The following XPC variants were observed in gnomAD, a reference collection of about 807,000 sequenced individuals.
XPC encodes DNA repair protein complementing XP-C cells.
In XPC, 76 loss-of-function variants were observed where a neutral mutation model predicts 95.8. That is an observed-to-expected ratio of 0.79 (90% CI 0.66 to 0.96). The LOEUF is 0.96. Among genes scored for constraint, XPC ranks in the 40% least tolerant of loss-of-function variants. The pLI is 0.00. For synonymous variants in XPC, 442 were observed against 442.1 expected, an observed-to-expected ratio of 1.00 and a Z score of 0.00; for missense variants, 1,146 against 1,179.8, an observed-to-expected ratio of 0.97 and a Z score of 0.42.
At chr3:14,176,689 T>C (rs1009551956) in intron 1 of XPC, among the ~76,000 whole-genome samples, 3 of 152,282 alleles carry the variant, frequency 2.0e-5, no homozygotes, top group African/African-American at 7.2e-5. Context: ...GATGAATTTA[T>C]AACCGGTATA....
At chr3:14,156,917 C>T (rs560455788) in intron 9 of XPC, among the ~76,000 whole-genome samples, 2 of 152,296 alleles carry the variant, frequency 1.3e-5, no homozygotes, top group East Asian at 1.9e-4. Context: ...TCTCACCCTG[C>T]GACTTTTCTC....
intron 1 of XPC, among the ~76,000 whole-genome samples, chr3:14,173,292 A>G (rs1414899846): frequency 6.6e-6 from 1 of 152,204 alleles, no homozygotes; most frequent in Non-Finnish European, 1.5e-5. Flanking sequence ...TACTTCTCCT[A>G]TGACTACAGA....
In XPC at chr3:14,158,196, T is replaced by C; in HGVS notation, c.1687A>G (p.Thr563Ala). Reference sequence around the variant, plus strand: ...CCCACCACATAGGTCATGGGCTTGGTGGCGTACTTGTAACAGGTCAGAGGC... The same window carrying C: ...CCCACCACATAGGTCATGGGCTTGGCGGCGTACTTGTAACAGGTCAGAGGC... ...GQPLTCYKYA[T>A]KPMTYVVGID... Residue 563 changes from threonine (T) to alanine (A), a missense_variant, in exon 9 of 16, where the codon ACC becomes GCC. Coordinates refer to ENST00000285021, the MANE Select transcript of XPC (RefSeq NM_004628.5). This position sits in a 1 kb window ranked among gnomAD's most constrained non-coding sequence, Gnocchi z 5.2. 1.2e-6 allele frequency: 2 copies of C among 1,613,934 alleles called. No individual in the cohort carries two copies. Among genetic ancestry groups the C allele is most frequent in the Non-Finnish European group, 1.7e-6 (2 of 1,179,884 alleles).
chr3:14,153,343 T>TCCC (rs1695774309), intron 10 of XPC: 1 of 152,268 alleles, frequency 6.6e-6, no homozygotes. Context: ...TTTTCAACTT[T>TCCC]ATGATGATGC....
rs184299955 is a variant in XPC, at chr3:14,146,798, T to G, written c.2604+492A>C. ...CACAGCACTGACTATACCATGTAAC[T>G]GGGCCTAGGGTCCATCTGCCCCAGG... On this transcript the variant is annotated intron_variant, in intron 15 of 15. Transcript: ENST00000285021. Among the ~76,000 whole-genome samples, 185 of 152,296 alleles carry G rather than the reference T, an allele frequency of 1.2e-3. 1 individual carries two copies. Among genetic ancestry groups the G allele is most frequent in the African/African-American group, 4.4e-3 (181 of 41,572 alleles).
rs780185621 is a variant in XPC at position 14,159,815 on chromosome 3, G to C, written c.916C>G (p.Leu306Val). The C allele has an allele frequency of 2.6e-6, 4 of 1,555,348 alleles. No individual in the cohort carries two copies. Among genetic ancestry groups the C allele is most frequent in the East Asian group, 2.4e-5 (1 of 41,240 alleles). ...EELVHIFLLI[L>V]RALQLLTRLV... ...CGGGTCAAGAGCTGCAGAGCCCGGAGAATCAGTAAGAATATCTATGATGAA... is the reference window on the plus strand; with the variant it reads ...CGGGTCAAGAGCTGCAGAGCCCGGACAATCAGTAAGAATATCTATGATGAA... The change falls in exon 8 of 16, where the codon CTC becomes GTC. Residue 306 changes from leucine to valine, a missense_variant. By Grantham distance (32) the Leu-to-Val change is conservative. Transcript: ENST00000285021.
At chr3:14,155,719 C>T (rs1038542734) in intron 10 of XPC, among the ~76,000 whole-genome samples, 2 of 152,084 alleles carry the variant, frequency 1.3e-5, no homozygotes, top group East Asian at 1.9e-4. Context: ...CCACCACACC[C>T]GGCTAATTTT....
rs1384452459 is a variant in XPC, at chr3:14,168,243, G to A, written c.536+14C>T. 3.1e-6 allele frequency: 5 copies of A among 1,596,266 alleles called. No individual in the cohort carries two copies. The South Asian group carries it at 3.4e-5, about 11-fold the overall frequency. ...GCATGTGACAGGAGCCTAGAAGCAA[G>A]GGCCTAAGCTTACCTTCTTTCTCTT... On this transcript the variant is annotated intron_variant, in intron 4 of 15. Transcript: ENST00000285021.
rs755451199 is a variant in XPC, at chr3:14,170,562, C to A, written c.300-12G>T. ...CACTTGGAAAGTCCCTGTGTAAAGA[C>A]CACAGGAAGGAAGATGAAGAAGACT... On this transcript the variant is annotated splice_polypyrimidine_tract_variant and intron_variant, in intron 2 of 15. Transcript: ENST00000285021. The A allele has an allele frequency of 6.3e-7, 1 of 1,578,892 alleles. No individual in the cohort carries two copies. The highest frequency in any genetic ancestry group is 1.2e-5 in the South Asian group (1 of 86,758).
At position 14,148,623 on chromosome 3, in the gene XPC, C is replaced by A. The variant is rs1173005044; in HGVS notation, c.2359G>T (p.Asp787Tyr). The A allele has an allele frequency of 6.2e-7, 1 of 1,614,032 alleles. No homozygotes were observed. Among genetic ancestry groups the A allele is most frequent in the Admixed American group, 1.7e-5 (1 of 60,024 alleles). ...GTGATGGCCTGGACACAGTCGATGT[C>A]CAGCTTGCGGGCCACGCGGTGTAGA... ...PNLHRVARKL[D>Y]IDCVQAITGF... The change falls in exon 13 of 16, where the codon GAC becomes TAC. Residue 787 changes from aspartate (D) to tyrosine (Y), a missense_variant. Asp to Tyr is a radical substitution (Grantham distance 160). Coordinates refer to ENST00000285021, the MANE Select transcript of XPC (RefSeq NM_004628.5).
chr3:14,147,341 C>CA lies in XPC; in HGVS notation c.2552dup (p.Ala852GlyfsTer19). On this transcript the variant is annotated frameshift_variant, in exon 15 of 16. Coordinates refer to ENST00000285021, the MANE Select transcript of XPC (RefSeq NM_004628.5). LOFTEE classifies it high-confidence loss of function. ...TCTCCCTGATGAGCAGACCTTTGGC[C>CA]AGCAACTTCCAGTTCCCTAGAGCCC... 6.2e-7 allele frequency: 1 copy of CA among 1,611,792 alleles called. No homozygotes were observed. Among genetic ancestry groups the CA allele is most frequent in the African/African-American group, 1.3e-5 (1 of 75,006 alleles).
Position 14,158,890 on chromosome 3 carries a change from T to A in XPC, c.993A>T (p.Gly331=), listed in dbSNP as rs199748689. The A allele has an allele frequency of 6.2e-7, 1 of 1,613,914 alleles. No individual in the cohort carries two copies. Among genetic ancestry groups the A allele is most frequent in the Admixed American group, 1.7e-5 (1 of 60,014 alleles). The change falls in exon 9 of 16, where the codon GGA becomes GGT. Residue 331 remains glycine (G), a splice_region_variant and synonymous_variant. Coordinates refer to ENST00000285021, the MANE Select transcript of XPC (RefSeq NM_004628.5). The surrounding 1 kb of genome is among the most constrained non-coding windows in gnomAD (Gnocchi z 5.2). ...PIPLKSATAK[G]KKPSKERLTA... Reference sequence around the variant, plus strand: ...TCAATCTTTCCTTGGAAGGTTTCTTTCCCTTAAACAGAATAAGAAATTTTG... The same window carrying A: ...TCAATCTTTCCTTGGAAGGTTTCTTACCCTTAAACAGAATAAGAAATTTTG...
At chr3:14,165,683 T>C in intron 5 of XPC, 98 bp from the exon 6 acceptor site, 1 of 1,415,110 alleles carries the variant, frequency 7.1e-7, no homozygotes. Context: ...GGACAAGAAA[T>C]ATGTGTTGCC....
At chr3:14,176,381 C>T (rs1175062601) in intron 1 of XPC, among the ~76,000 whole-genome samples, 1 of 152,218 alleles carries the variant, frequency 6.6e-6, no homozygotes, top group South Asian at 2.1e-4. Context: ...CCGATCACGC[C>T]AGTCAAACTT....
rs1696048009 is a variant in XPC at position 14,158,793 on chromosome 3, T to C, written c.1090A>G (p.Lys364Glu). ...AAGGTTTCCTCTTGTTTGGTTCCTTTGCTGGTCTTTGGTTTGGTGTGGTTT... is the reference window on the plus strand; with the variant it reads ...AAGGTTTCCTCTTGTTTGGTTCCTTCGCTGGTCTTTGGTTTGGTGTGGTTT... Reference protein sequence around the residue: ...LENHTKPKTSKGTKQEETFAK... With the variant: ...LENHTKPKTSEGTKQEETFAK... Residue 364 changes from lysine to glutamate, a missense_variant, in exon 9 of 16, where the codon AAA becomes GAA. Transcript: ENST00000285021. The surrounding 1 kb of genome is among the most constrained non-coding windows in gnomAD (Gnocchi z 5.2). 1.2e-6 allele frequency: 2 copies of C among 1,614,010 alleles called. No individual in the cohort carries two copies. The highest frequency in any genetic ancestry group is 8.5e-7 in the Non-Finnish European group (1 of 1,179,890).
rs1455174733 is a variant in XPC at position 14,146,167 on chromosome 3, G to A, written c.2605-8C>T. On this transcript the variant is annotated splice_region_variant and splice_polypyrimidine_tract_variant and intron_variant, in intron 15 of 15. Transcript: ENST00000285021. ...GGGAGCTGCTGCCTCACTCTGGACA[G>A]GTGGCAGTGGTGGGAGGACACAGGC... is the stretch of plus-strand genomic sequence containing the variant. 1 of 1,599,260 alleles carries A rather than the reference G, an allele frequency of 6.3e-7. No individual in the cohort carries two copies.
intron 8 of XPC, 91 bp downstream of exon 8, chr3:14,159,650 G>A: frequency 7.8e-7 from 1 of 1,289,232 alleles, no homozygotes; most frequent in Non-Finnish European, 1.1e-6. Context: ...GTGAATACCA[G>A]CTCTTAAAAA....
intron 10 of XPC, chr3:14,152,738 G>T (rs957404022): frequency 1.4e-5 from 4 of 281,314 alleles, no homozygotes; most frequent in Non-Finnish European, 2.7e-5. Context: ...CTATCAGGAT[G>T]GGGTAAAGGC....
intron 4 of XPC, 94 bp downstream of exon 4, chr3:14,168,163 C>A: frequency 6.8e-7 from 1 of 1,464,324 alleles, no homozygotes; most frequent in Non-Finnish European, 9.0e-7. Context: ...GATACTCAGT[C>A]CTGGTCCCCT....
Sources: allele counts gnomAD v4.1 joint callset (sites outside exome capture counted in the v4.1 genomes callset), GRCh38; gene constraint gnomAD v4.1.1; non-coding constraint Gnocchi (gnomAD v3.1); transcripts MANE v1.5; gene names NCBI Gene and HGNC (gene_info 2026-07-23, HGNC 2026-07-21).